Variants in SPDYA observed in about 807,000 individuals in gnomAD.
The protein encoded by SPDYA is speedy/RINGO cell cycle regulator family member A.
A neutral mutation model predicts 36.7 loss-of-function variants in SPDYA; 11 were observed. The ratio of observed to expected loss-of-function variants is 0.30; its 90% confidence interval spans 0.19 to 0.50. The LOEUF (loss-of-function observed/expected upper bound fraction) is 0.50. Among genes scored for constraint, SPDYA ranks in the 20% least tolerant of loss-of-function variants. The pLI is 0.98. For synonymous variants in SPDYA, 115 were observed against 118.7 expected (o/e 0.97, Z 0.20); for missense variants, 287 against 370.9 (o/e 0.77, Z 1.86).
Position 28,811,880 on chromosome 2 carries a change from C to T in SPDYA, c.-93+933C>T, listed in dbSNP as rs561643976. ...CTGAGGCGGGAGAATCGCTTGAACC[C>T]GGGAGGCAGAGGTGGCAGTGATCCG... On this transcript the variant is annotated intron_variant, in intron 1 of 7. Transcript: ENST00000334056. The surrounding 1 kb of genome is among the most constrained non-coding windows in gnomAD (Gnocchi z 4.2). Among the ~76,000 whole-genome samples, 4 of 152,206 alleles carry T rather than the reference C, an allele frequency of 2.6e-5. No individual in the cohort carries two copies. The highest frequency in any genetic ancestry group is 2.1e-4 in the South Asian group (1 of 4,826).
In SPDYA at chr2:28,829,128, G is replaced by T. The variant is rs1450349584; in HGVS notation, c.381-20G>T. ...TGTCCTTTACCCATTTCTTTTTTGG[G>T]TTGTGATCTTCTTTGTTAGGTATCT... On this transcript the variant is annotated intron_variant, in intron 5 of 7. Coordinates refer to ENST00000334056, the MANE Select transcript of SPDYA (RefSeq NM_182756.4). The T allele has an allele frequency of 1.3e-6, 2 of 1,597,066 alleles. No homozygotes were observed. The highest frequency in any genetic ancestry group is 1.8e-5 in the Admixed American group (1 of 55,012).
chr2:28,825,240 G>GTT (rs573693538), intron 5 of SPDYA, among the ~76,000 whole-genome samples: 1 of 146,900 alleles, frequency 6.8e-6, no homozygotes, highest in Admixed American at 6.8e-5. Context: ...TTTATTTTGT[G>GTT]TTTTTTTTTT....
At chr2:28,819,850 ATATATATATATATATATAT>A (rs1485793381) in intron 4 of SPDYA, among the ~76,000 whole-genome samples, 4 of 6,902 alleles carry the variant, frequency 5.8e-4, no homozygotes, top group Non-Finnish European at 6.9e-4. Context: ...AAAAAAAAAA[ATATATATATATATATATAT>A]ATATATATAT....
intron 6 of SPDYA, among the ~76,000 whole-genome samples, chr2:28,829,899 G>A (rs1238249490): frequency 2.8e-5 from 4 of 141,578 alleles, no homozygotes; most frequent in South Asian, 2.2e-4. Context: ...AGCAGAGATC[G>A]CGCCACTGCA....
chr2:28,840,684 T>G, intron 7 of SPDYA: 1 of 1,298,724 alleles, frequency 7.7e-7, no homozygotes. Flanking sequence ...TGACCTATGT[T>G]AAGTTGAAAA....
chr2:28,846,043 A>G lies in SPDYA; in HGVS notation c.851-3807A>G, dbSNP rs139101016. Among the ~76,000 whole-genome samples, 507 of 152,310 alleles carry G rather than the reference A, an allele frequency of 3.3e-3. 2 individuals are homozygous for G. The highest frequency in any genetic ancestry group is 0.011 in the African/African-American group (470 of 41,568). ...AAGTTCAAAATGAAAGCCTCCCACA[A>G]TCGCAGAACTATATACTATGTATAC... is the stretch of plus-strand genomic sequence containing the variant. On this transcript the variant is annotated intron_variant, in intron 7 of 7. Transcript: ENST00000334056.
chr2:28,834,641 T>C (rs542068165), intron 6 of SPDYA, among the ~76,000 whole-genome samples: 2 of 152,354 alleles, frequency 1.3e-5, no homozygotes, highest in East Asian at 1.9e-4. Context: ...TATTGTATGA[T>C]TCCATTTATA....
chr2:28,812,447 TTG>T, intron 1 of SPDYA, among the ~76,000 whole-genome samples: 1 of 146,696 alleles, frequency 6.8e-6, no homozygotes, highest in East Asian at 2.0e-4. Context: ...TCTAGAATTT[TTG>T]TGATTTACTT....
At chr2:28,843,156 C>T (rs1165201013) in intron 7 of SPDYA, among the ~76,000 whole-genome samples, 1 of 152,122 alleles carries the variant, frequency 6.6e-6, no homozygotes, top group Non-Finnish European at 1.5e-5. Context: ...TTAAAAACAA[C>T]ACATTCAAAT....
In SPDYA at chr2:28,850,227, A is replaced by T. The variant is rs1258376501; in HGVS notation, c.*286A>T. On this transcript the variant is annotated 3_prime_UTR_variant, in exon 8 of 8. Transcript: ENST00000334056. ...GTTAAGTTGTGGTTTGACCTTCCTC[A>T]ACTTGACAAGAAAAGCTAATTTAAG... 6.2e-7 allele frequency: 1 copy of T among 1,611,972 alleles called. No individual in the cohort carries two copies. Among genetic ancestry groups the T allele is most frequent in the Admixed American group, 1.7e-5 (1 of 59,960 alleles).
rs79621292 is a variant in SPDYA at position 28,850,425 on chromosome 2, G to A, written c.*484G>A. ...ATTCTTCTGTTGTAAAAAAATATAT[G>A]TACTATAAGCTACATAAAATATTTT... On this transcript the variant is annotated 3_prime_UTR_variant, in exon 8 of 8. Coordinates refer to ENST00000334056, the MANE Select transcript of SPDYA (RefSeq NM_182756.4). 2.7e-3 allele frequency: 4,054 copies of A among 1,478,400 alleles called. 86 individuals carry two copies. In the African/African-American group the frequency reaches 0.048, roughly 17 times the overall value. The allele number at this position is 1,478,400 out of a possible 1,614,324, so 91.6% of individuals were successfully genotyped here. A position where few individuals can be genotyped will look rare whatever the true frequency, so the allele number is the denominator to read the frequency against.
At chr2:28,833,320 T>C (rs1668520312) in intron 6 of SPDYA, among the ~76,000 whole-genome samples, 1 of 152,084 alleles carries the variant, frequency 6.6e-6, no homozygotes, top group South Asian at 2.1e-4. Context: ...TCTCATATCT[T>C]TGCTCTTCCA....
intron 6 of SPDYA, among the ~76,000 whole-genome samples, chr2:28,839,033 T>C (rs1296670212): frequency 2.0e-5 from 3 of 152,226 alleles, no homozygotes; most frequent in African/African-American, 4.8e-5. Context: ...AGCACATATG[T>C]ACAGTTCCCC....
intron 6 of SPDYA, among the ~76,000 whole-genome samples, chr2:28,833,051 G>T (rs563059304): frequency 6.6e-6 from 1 of 152,208 alleles, no homozygotes; most frequent in Non-Finnish European, 1.5e-5. Flanking sequence ...GCCCAGGCCG[G>T]TCTCAAAATC....
chr2:28,818,243 GACT>G (rs1251037707), intron 3 of SPDYA, among the ~76,000 whole-genome samples: 1 of 152,148 alleles, frequency 6.6e-6, no homozygotes, highest in African/African-American at 2.4e-5. Flanking sequence ...CTTTCCGTAT[GACT>G]ACATTGATGA....
chr2:28,817,516 G>A (rs191745152), intron 3 of SPDYA, among the ~76,000 whole-genome samples: 3,863 of 149,896 alleles, frequency 0.026, 65 homozygotes, highest in Middle Eastern at 0.039. Flanking sequence ...AGCCGAGATC[G>A]CACCATTGCA....
intron 7 of SPDYA, among the ~76,000 whole-genome samples, chr2:28,846,152 C>G (rs187860939): frequency 3.9e-5 from 6 of 152,252 alleles, no homozygotes; most frequent in African/African-American, 1.4e-4. Context: ...CGCCTGTAAT[C>G]CCAGCACTTT....
At chr2:28,812,469 A>AAAG (rs1553313856) in intron 1 of SPDYA, among the ~76,000 whole-genome samples, 10 of 149,252 alleles carry the variant, frequency 6.7e-5, no homozygotes, top group Non-Finnish European at 8.9e-5. Flanking sequence ...TACCAAAAAA[A>AAAG]AAAGAAAGAA....
In SPDYA at chr2:28,840,506, A is replaced by G. The variant is rs186874775; in HGVS notation, c.850+37A>G. On this transcript the variant is annotated intron_variant, in intron 7 of 7. Transcript: ENST00000334056. ...TAATATGCCAGAATTAGATTTATGC[A>G]TGTTGTTTACTGAGCTCTAGTCAGT... 3.1e-6 allele frequency: 5 copies of G among 1,605,502 alleles called. No individual in the cohort carries two copies. In the Admixed American group the frequency reaches 5.1e-5, roughly 16 times the overall value.
Sources: gnomAD v4.1 joint callset for allele counts (sites outside exome capture counted in the v4.1 genomes callset) on GRCh38, gnomAD v4.1.1 for gene constraint, Gnocchi (gnomAD v3.1) non-coding constraint, MANE v1.5 for transcripts, NCBI Gene and HGNC (gene_info 2026-07-23, HGNC 2026-07-21) for gene names.